Variants in MYOM1 observed in about 807,000 individuals in gnomAD.
MYOM1 encodes myomesin 1, also known as myomesin-1.
Under a neutral mutation model 205.3 loss-of-function variants are expected in MYOM1, and 164 were observed. The observed-to-expected ratio is 0.80, with a 90% confidence interval of 0.70 to 0.91. The LOEUF (loss-of-function observed/expected upper bound fraction) is 0.91, where lower values mean the gene tolerates loss of function less well. Ranked by LOEUF, MYOM1 falls within the 40% of genes least tolerant of loss-of-function variation. The pLI, the probability that MYOM1 is intolerant of heterozygous loss-of-function variation, is 0.00. For missense variants in MYOM1, 2,011 were observed against 2,127.3 expected (o/e 0.95, Z 1.08); for synonymous variants, 772 against 789.4 (o/e 0.98, Z 0.37).
At chr18:3,178,874 CT>C (rs35989377) in intron 5 of MYOM1, among the ~76,000 whole-genome samples, 39 of 147,356 alleles carry the variant, frequency 2.6e-4, no homozygotes, top group East Asian at 3.9e-4. Flanking sequence ...TCCACATTTA[CT>C]TTTTTTTTTT....
chr18:3,197,039 C>A lies in MYOM1; in HGVS notation c.291-3081G>T, dbSNP rs543037024. Reference sequence around the variant, plus strand: ...GGAGAGTGTTTGTAACTCACCCATGCTCACACAGTGAGTTGGTGGTGAACT... The same window carrying A: ...GGAGAGTGTTTGTAACTCACCCATGATCACACAGTGAGTTGGTGGTGAACT... On this transcript the variant is annotated intron_variant, in intron 2 of 37. Transcript: ENST00000356443. Among the ~76,000 whole-genome samples, 400 of 152,238 alleles carry A rather than the reference C, an allele frequency of 2.6e-3. 1 individual carries two copies. Among genetic ancestry groups the A allele is most frequent in the African/African-American group, 8.4e-3 (351 of 41,540 alleles).
chr18:3,081,330 T>C (rs1485896888), intron 33 of MYOM1, among the ~76,000 whole-genome samples: 3 of 152,198 alleles, frequency 2.0e-5, no homozygotes, highest in African/African-American at 7.2e-5. Flanking sequence ...ATGACCTGTC[T>C]AAGATCATAA....
intron 22 of MYOM1, among the ~76,000 whole-genome samples, chr18:3,109,789 T>A (rs1035874624): frequency 3.3e-5 from 5 of 152,198 alleles, no homozygotes; most frequent in African/African-American, 1.2e-4. Context: ...TATTATTTTT[T>A]CTTTCCTATT....
chr18:3,098,373 G>A (rs1409479725), intron 25 of MYOM1, among the ~76,000 whole-genome samples: 1 of 152,108 alleles, frequency 6.6e-6, no homozygotes, highest in Non-Finnish European at 1.5e-5. Flanking sequence ...CGCCTCCCGG[G>A]TTCAAGCAAT....
At chr18:3,087,454 G>A (rs1399844065) in intron 29 of MYOM1, among the ~76,000 whole-genome samples, 1 of 151,038 alleles carries the variant, frequency 6.6e-6, no homozygotes, top group Non-Finnish European at 1.5e-5. Flanking sequence ...GGAGAGGAAG[G>A]TCCCAGTGTG....
At chr18:3,156,610 T>TTC (rs1453238999) in intron 10 of MYOM1, among the ~76,000 whole-genome samples, 7 of 144,344 alleles carry the variant, frequency 4.8e-5, no homozygotes, top group African/African-American at 1.8e-4. Context: ...ACTTCTTTCT[T>TTC]TTTTTTTTTT....
At chr18:3,171,758 G>A (rs12965146) in intron 8 of MYOM1, among the ~76,000 whole-genome samples, 60,299 of 151,904 alleles carry the variant, frequency 0.4, 12,039 homozygotes, top group Middle Eastern at 0.43. Context: ...AAATTTCAAC[G>A]TTCATAAAGG....
At chr18:3,225,659 G>T in the MYOM1 span, among the ~76,000 whole-genome samples, 1 of 152,152 alleles carries the variant, frequency 6.6e-6, no homozygotes, top group Non-Finnish European at 1.5e-5. Flanking sequence ...GTATGAATGG[G>T]CAGCGTCTTA....
chr18:3,173,757 G>C (rs992049791), intron 8 of MYOM1, among the ~76,000 whole-genome samples, 181 bp downstream of exon 8: 9 of 152,046 alleles, frequency 5.9e-5, no homozygotes, highest in Non-Finnish European at 1.3e-4. Flanking sequence ...GATTCAGAAA[G>C]AGAACAGTAA....
intron 37 of MYOM1, 91 bp from the exon 38 acceptor site, chr18:3,067,646 C>A: frequency 7.1e-7 from 1 of 1,401,634 alleles, no homozygotes; most frequent in South Asian, 1.4e-5. Context: ...CTTGGCATGA[C>A]CAAAGGGAGG....
intron 5 of MYOM1, among the ~76,000 whole-genome samples, chr18:3,184,844 T>A (rs2080788212): frequency 6.6e-6 from 1 of 152,218 alleles, no homozygotes; most frequent in Non-Finnish European, 1.5e-5. Flanking sequence ...AGGAGGCTCA[T>A]CCAGTACTTC....
At chr18:3,137,613 A>G (rs1237211900) in intron 14 of MYOM1, among the ~76,000 whole-genome samples, 3 of 152,164 alleles carry the variant, frequency 2.0e-5, no homozygotes, top group Admixed American at 6.5e-5. Flanking sequence ...GAGCTAAAAA[A>G]TTTGATCTCA....
intron 5 of MYOM1, among the ~76,000 whole-genome samples, chr18:3,181,648 C>T (rs1469449571): frequency 6.6e-6 from 1 of 151,586 alleles, no homozygotes. Context: ...TATTTTATTC[C>T]TAGGTTTTGA....
chr18:3,168,072 C>T (rs896665245), intron 9 of MYOM1, among the ~76,000 whole-genome samples: 1 of 152,152 alleles, frequency 6.6e-6, no homozygotes, highest in East Asian at 1.9e-4. Flanking sequence ...ATGCAGAATA[C>T]ACTTATCAAA....
intron 8 of MYOM1, among the ~76,000 whole-genome samples, chr18:3,171,860 C>A (rs1267483634): frequency 1.3e-5 from 2 of 152,078 alleles, no homozygotes; most frequent in Non-Finnish European, 2.9e-5. Context: ...GTGACAGAGA[C>A]CATATGGCCC....
the MYOM1 span, among the ~76,000 whole-genome samples, chr18:3,227,339 A>G: frequency 6.6e-6 from 1 of 152,202 alleles, no homozygotes; most frequent in Non-Finnish European, 1.5e-5. Flanking sequence ...CCCTGAAGAC[A>G]TTATGCAAAG....
At chr18:3,124,295 T>A (rs1327646274) in intron 19 of MYOM1, among the ~76,000 whole-genome samples, 1 of 91,710 alleles carries the variant, frequency 1.1e-5, no homozygotes, top group African/African-American at 5.4e-5. Flanking sequence ...GACAAACTTT[T>A]CTTTTTTCTT....
At chr18:3,127,812 A>G (rs1283947314) in intron 18 of MYOM1, among the ~76,000 whole-genome samples, 1 of 152,210 alleles carries the variant, frequency 6.6e-6, no homozygotes, top group Non-Finnish European at 1.5e-5. Context: ...TAATACTTTT[A>G]TCACATTATT....
In MYOM1 at chr18:3,075,312, A is replaced by G; in HGVS notation, c.4708+142T>C. 5.4e-6 allele frequency: 4 copies of G among 740,758 alleles called. No individual in the cohort carries two copies. The South Asian group carries it at 7.7e-5, about 14-fold the overall frequency. The allele number at this position is 740,758 out of a possible 1,614,324, so 45.9% of individuals were successfully genotyped here. A position where few individuals can be genotyped will look rare whatever the true frequency, so the allele number is the denominator to read the frequency against. ...TTCTTACTCAAAAGACTAAAATGAAAACATATGTAGAACACCTAAGATTTA... is the reference window on the plus strand; with the variant it reads ...TTCTTACTCAAAAGACTAAAATGAAGACATATGTAGAACACCTAAGATTTA... On this transcript the variant is annotated intron_variant, in intron 36 of 37. Transcript: ENST00000356443.
Sources: allele counts gnomAD v4.1 joint callset (sites outside exome capture counted in the v4.1 genomes callset), GRCh38; gene constraint gnomAD v4.1.1; transcripts MANE v1.5; gene names NCBI Gene and HGNC (gene_info 2026-07-23, HGNC 2026-07-21).